The following IFT140 variants were observed in gnomAD, a reference collection of about 807,000 sequenced individuals.
IFT140 encodes the protein intraflagellar transport 140.
Under a neutral mutation model 164.6 loss-of-function variants are expected in IFT140, and 133 were observed. That is an observed-to-expected ratio of 0.81 (90% CI 0.70 to 0.93). IFT140 has a LOEUF of 0.93. IFT140 is among the 40% of genes least tolerant of loss of function. IFT140 has a pLI of 0.00. For synonymous variants in IFT140, 860 were observed against 817.3 expected (o/e 1.05, Z -0.89); for missense variants, 2,045 against 1,972.3 (o/e 1.04, Z -0.70).
rs1214748428 is a variant in IFT140, at chr16:1,600,462, TTAA to T, written c.369+1905_369+1907del. On this transcript the variant is annotated intron_variant, in intron 4 of 30. Transcript: ENST00000426508. ...AAGAATTATCAATAAAAAAATAAAT[TTAA>T]AAAAAAAAAAAATGTACACAGGTGC... 1.0e-2 allele frequency among the ~76,000 whole-genome samples: 1,112 copies of T among 111,566 alleles called. 18 individuals carry two copies. The highest frequency in any genetic ancestry group is 0.045 in the African/African-American group (1,028 of 22,644). 73.2% of individuals were successfully genotyped at this position (111,566 alleles called of 152,430 possible). A position where few individuals can be genotyped will look rare whatever the true frequency, so the allele number is the denominator to read the frequency against.
intron 6 of IFT140, among the ~76,000 whole-genome samples, chr16:1,590,408 C>T (rs1190883378): frequency 6.6e-6 from 1 of 152,064 alleles, no homozygotes; most frequent in East Asian, 1.9e-4. Flanking sequence ...CCTCCACACG[C>T]TGAGGCCCTA....
chr16:1,536,505 A>G (rs2031086157), intron 19 of IFT140, among the ~76,000 whole-genome samples: 1 of 152,178 alleles, frequency 6.6e-6, no homozygotes, highest in Non-Finnish European at 1.5e-5. Context: ...CCCTCAGTGA[A>G]CCTGAGCAGC....
At chr16:1,582,449 C>T (rs1329386975) in intron 12 of IFT140, among the ~76,000 whole-genome samples, 1 of 152,222 alleles carries the variant, frequency 6.6e-6, no homozygotes, top group Non-Finnish European at 1.5e-5. Context: ...GACGCGATCA[C>T]TTCTGTCCAG....
In IFT140 at chr16:1,599,686, G is replaced by A. The variant is rs1567424262; in HGVS notation, c.369+2684C>T. On this transcript the variant is annotated intron_variant, in intron 4 of 30. Coordinates refer to ENST00000426508, the MANE Select transcript of IFT140 (RefSeq NM_014714.4). ...GCCCCCCCGCCCGGCCAGCCGCCCC[G>A]TCCGGGAGGTGAGGGGCGCCTCTGC... 1.1e-4 allele frequency among the ~76,000 whole-genome samples: 5 copies of A among 47,238 alleles called. No individual in the cohort carries two copies. The South Asian group carries it at 4.7e-3, about 44-fold the overall frequency. The allele number at this position is 47,238 out of a possible 152,430, so 31.0% of individuals were successfully genotyped here.
At position 1,553,148 on chromosome 16, in the gene IFT140, A is replaced by G. The variant is rs1053237433; in HGVS notation, c.2399+4787T>C. 3 of 985,228 alleles carry G rather than the reference A, an allele frequency of 3.0e-6. No homozygotes were observed. In the African/African-American group the frequency reaches 5.2e-5, roughly 17 times the overall value. The allele number at this position is 985,228 out of a possible 1,614,324, so 61.0% of individuals were successfully genotyped here. A position where few individuals can be genotyped will look rare whatever the true frequency, so the allele number is the denominator to read the frequency against. On this transcript the variant is annotated intron_variant, in intron 19 of 30. Transcript: ENST00000426508. The surrounding 1 kb of genome is among the most constrained non-coding windows in gnomAD (Gnocchi z 4.4). ...AAAAGATAATGCTTGGGTTTTTAGG[A>G]AAAACAAGGCTGGTTACCCATCTCT...
Position 1,566,193 on chromosome 16 carries a change from C to G in IFT140, c.1869G>C (p.Glu623Asp), listed in dbSNP as rs2033705618. ...TCTCTTGCTCATTAAAGGACAGCGT[C>G]TCTCTCCGATCAATTTGTCCAGTCT... ...DFKTGQIDRR[E>D]TLSFNEQETN... The change falls in exon 16 of 31, where the codon GAG (glutamate) becomes GAC (aspartate). Residue 623 changes from glutamate to aspartate, a missense_variant. Glu to Asp is a conservative substitution (Grantham distance 45, BLOSUM62 2). Coordinates refer to ENST00000426508, the MANE Select transcript of IFT140 (RefSeq NM_014714.4). The G allele has an allele frequency of 1.2e-6, 2 of 1,613,796 alleles. No individual in the cohort carries two copies. The highest frequency in any genetic ancestry group is 1.7e-5 in the Admixed American group (1 of 59,998).
intron 19 of IFT140, among the ~76,000 whole-genome samples, chr16:1,538,124 G>A (rs1015167922): frequency 1.3e-5 from 2 of 152,194 alleles, no homozygotes; most frequent in Non-Finnish European, 2.9e-5. Context: ...TGGGGCAGGC[G>A]GGAGCGTGGC....
intron 19 of IFT140, among the ~76,000 whole-genome samples, chr16:1,548,666 A>C (rs2032376843): frequency 6.6e-6 from 1 of 152,038 alleles, no homozygotes; most frequent in Non-Finnish European, 1.5e-5. Flanking sequence ...GGAAAACTCA[A>C]AGGTTTAGGG....
rs1423718069 is a variant in IFT140, at chr16:1,584,286, G to A, written c.1290C>T (p.Cys430=). Reference sequence around the variant, plus strand: ...TGTGTGCGACCCCCGTGGACAGGAAGCACACATTCAGCAGACTCGGGGAGA... The same window carrying A: ...TGTGTGCGACCCCCGTGGACAGGAAACACACATTCAGCAGACTCGGGGAGA... ...MQVSPSLLNV[C]FLSTGVAHSL... Residue 430 remains cysteine, a synonymous_variant, in exon 11 of 31, where the codon TGC becomes TGT. Coordinates refer to ENST00000426508, the MANE Select transcript of IFT140 (RefSeq NM_014714.4). 16 of 1,613,904 alleles carry A rather than the reference G, an allele frequency of 9.9e-6. No individual in the cohort carries two copies. The highest frequency in any genetic ancestry group is 1.4e-5 in the Non-Finnish European group (16 of 1,180,028).
rs761037894 is a variant in IFT140 at position 1,523,876 on chromosome 16, G to T, written c.3222C>A (p.Tyr1074Ter). The change falls in exon 25 of 31, where the codon TAC becomes TAA. Residue 1074 changes from tyrosine (Y) to a stop codon, truncating the protein, a stop_gained. Transcript: ENST00000426508. LOFTEE classifies it high-confidence loss of function. ...PEDMIEAARY[Y>*]EEKGVQMDRA... ...TGTCCATCTGCACGCCCTTCTCCTC[G>T]TAGTATCGGGCCGCCTCGATCATGT... 3 of 1,613,520 alleles carry T rather than the reference G, an allele frequency of 1.9e-6. No homozygotes were observed. Among genetic ancestry groups the T allele is most frequent in the Non-Finnish European group, 2.5e-6 (3 of 1,180,006 alleles).
intron 24 of IFT140, chr16:1,524,282 TAG>T (rs2040608217): frequency 3.3e-6 from 2 of 609,808 alleles, no homozygotes; most frequent in Admixed American, 6.3e-5. Context: ...TGCAAGGCCA[TAG>T]GCCGTGAGCA....
intron 19 of IFT140, chr16:1,554,713 A>G: frequency 6.3e-7 from 1 of 1,584,808 alleles, no homozygotes; most frequent in Non-Finnish European, 8.6e-7. Flanking sequence ...TCTAGGACAG[A>G]GGGCTGGGGA....
At chr16:1,608,656 C>G (rs995317221) in intron 2 of IFT140, among the ~76,000 whole-genome samples, 3 of 139,736 alleles carry the variant, frequency 2.1e-5, no homozygotes, top group African/African-American at 7.9e-5. Flanking sequence ...AAAAAAGAAA[C>G]CCGAACAACA....
chr16:1,606,919 C>T (rs963110640), intron 3 of IFT140, among the ~76,000 whole-genome samples: 2 of 151,800 alleles, frequency 1.3e-5, no homozygotes, highest in Non-Finnish European at 2.9e-5. Flanking sequence ...CACACACCCA[C>T]GTGTGCGCAC....
intron 18 of IFT140, among the ~76,000 whole-genome samples, chr16:1,560,681 G>A (rs975915502): frequency 2.3e-4 from 35 of 152,268 alleles, no homozygotes; most frequent in African/African-American, 8.4e-4. Context: ...TGGGGTCTAC[G>A]CTCCCTCTGT....
In IFT140 at chr16:1,518,375, G is replaced by C. The variant is rs373126808; in HGVS notation, c.4041-18C>G. The C allele has an allele frequency of 1.1e-5, 17 of 1,610,062 alleles. No homozygotes were observed. Among genetic ancestry groups the C allele is most frequent in the Non-Finnish European group, 1.4e-5 (17 of 1,177,504 alleles). Reference sequence around the variant, plus strand: ...TGTACGTCCTGCCGAGAGCAGAGATGAGGCCTGGGCCCCGAAGCCCTGAAC... The same window carrying C: ...TGTACGTCCTGCCGAGAGCAGAGATCAGGCCTGGGCCCCGAAGCCCTGAAC... On this transcript the variant is annotated intron_variant, in intron 29 of 30. Transcript: ENST00000426508.
intron 29 of IFT140, among the ~76,000 whole-genome samples, chr16:1,519,612 C>A (rs1054984137): frequency 5.3e-5 from 8 of 152,186 alleles, no homozygotes; most frequent in Non-Finnish European, 1.0e-4. Flanking sequence ...CAGACACACC[C>A]TCTCCTGCTC....
intron 12 of IFT140, among the ~76,000 whole-genome samples, chr16:1,581,976 G>A (rs902729810): frequency 2.6e-5 from 4 of 152,174 alleles, no homozygotes; most frequent in African/African-American, 7.2e-5. Context: ...TGTGCCTGAA[G>A]AGGTGGGGGC....
In IFT140 at chr16:1,568,207, G is replaced by A. The variant is rs1247628996; in HGVS notation, c.1770+10C>T. The A allele has an allele frequency of 6.3e-7, 1 of 1,579,134 alleles. No individual in the cohort carries two copies. ...GGCGGAGTGGGCGAGTGGACGAGGG[G>A]TGGCCTCACCTTGCTGGGGAGGATG... On this transcript the variant is annotated intron_variant, in intron 15 of 30. Transcript: ENST00000426508.
Sources: gnomAD v4.1 joint callset for allele counts (sites outside exome capture counted in the v4.1 genomes callset) on GRCh38, gnomAD v4.1.1 for gene constraint, Gnocchi (gnomAD v3.1) non-coding constraint, MANE v1.5 for transcripts, NCBI Gene and HGNC (gene_info 2026-07-23, HGNC 2026-07-21) for gene names.